The following ZNF681 variants were observed in gnomAD, a reference collection of about 807,000 sequenced individuals.
The protein encoded by ZNF681 is hypothetical protein FLJ31526.
Under a neutral mutation model 56.0 loss-of-function variants are expected in ZNF681, and 37 were observed. That is an observed-to-expected ratio of 0.66 (90% CI 0.51 to 0.87). ZNF681 has a LOEUF of 0.87. ZNF681 is among the 40% of genes least tolerant of loss of function. The pLI is 0.00. For synonymous variants in ZNF681, 225 were observed against 248.6 expected, an observed-to-expected ratio of 0.91 and a Z score of 0.89; for missense variants, 741 against 744.9, an observed-to-expected ratio of 0.99 and a Z score of 0.06.
rs548800522 is a variant in ZNF681, at chr19:23,748,214, T to C, written c.227-2891A>G. Among the ~76,000 whole-genome samples the C allele has an allele frequency of 3.9e-5, 6 of 152,064 alleles. 1 individual carries two copies. In the South Asian group the frequency reaches 1.2e-3, roughly 32 times the overall value. ...GCCTTGTAGAAAATAAGTAAAAATA[T>C]TTGCAAATTATATGTGATAAGAGTT... On this transcript the variant is annotated intron_variant, in intron 3 of 3. Transcript: ENST00000402377.
At position 23,744,875 on chromosome 19, in the gene ZNF681, C is replaced by T. The variant is rs376617845; in HGVS notation, c.675G>A (p.Ser225=). The stretch of plus-strand genomic sequence containing the variant: ...CTTTGCCACATTCTTCACATATGTA[C>T]GATTTCTCTCCAATATGAATTCTTT... ...KHKRIHIGEK[S]YICEECGKAC... is the part of the protein sequence containing the mutation. Residue 225 remains serine (S), a synonymous_variant, in exon 4 of 4, where the codon TCG becomes TCA. Coordinates refer to ENST00000402377, the MANE Select transcript of ZNF681 (RefSeq NM_138286.3). 4.0e-5 allele frequency: 64 copies of T among 1,611,126 alleles called. No individual in the cohort carries two copies. Among genetic ancestry groups the T allele is most frequent in the Non-Finnish European group, 4.7e-5 (56 of 1,179,326 alleles).
At chr19:23,758,714 C>T in intron 1 of ZNF681, 33 bp downstream of exon 1, 3 of 1,614,196 alleles carry the variant, frequency 1.9e-6, no homozygotes, top group Non-Finnish European at 2.5e-6. Flanking sequence ...AGCCCCTTCC[C>T]CTCTCTCGGG....
chr19:23,749,810 C>CAA (rs11396967), intron 3 of ZNF681, among the ~76,000 whole-genome samples: 13 of 151,760 alleles, frequency 8.6e-5, no homozygotes, highest in East Asian at 1.9e-4. Flanking sequence ...TAATTTTTCT[C>CAA]AAAAAAAATC....
rs1294652567 is a variant in ZNF681, at chr19:23,742,118, TTAACA to T, written c.*1489_*1493del. On this transcript the variant is annotated 3_prime_UTR_variant, in exon 4 of 4. Transcript: ENST00000402377. The stretch of plus-strand genomic sequence containing the variant: ...ATGCTTCATTGAATGCACGATGGTC[TTAACA>T]TGTTTTTTAAAAAGCCTGATTAATA... The T allele has an allele frequency of 6.6e-6, 1 of 152,178 alleles. No homozygotes were observed. The highest frequency in any genetic ancestry group is 2.4e-5 in the African/African-American group (1 of 41,442). 9.4% of individuals were successfully genotyped at this position (152,178 alleles called of 1,614,324 possible).
At position 23,744,154 on chromosome 19, in the gene ZNF681, T is replaced by C. The variant is rs758847874; in HGVS notation, c.1396A>G (p.Thr466Ala). 133 of 1,613,352 alleles carry C rather than the reference T, an allele frequency of 8.2e-5. No individual in the cohort carries two copies. The highest frequency in any genetic ancestry group is 9.8e-5 in the Non-Finnish European group (116 of 1,179,874). ...GKAFNQFSNL[T>A]THKRIHTGEK... Reference sequence around the variant, plus strand: ...CCAGTATGAATTCTTTTATGTGTAGTAAGGTTTGAGAACTGGTTAAAGGCT... The same window carrying C: ...CCAGTATGAATTCTTTTATGTGTAGCAAGGTTTGAGAACTGGTTAAAGGCT... Residue 466 changes from threonine (T) to alanine (A), a missense_variant, in exon 4 of 4, where the codon ACT (threonine) becomes GCT (alanine). Thr to Ala is a moderately conservative substitution (Grantham distance 58, BLOSUM62 0). Transcript: ENST00000402377.
At chr19:23,754,306 G>A (rs1969081332) in intron 3 of ZNF681, among the ~76,000 whole-genome samples, 1 of 152,150 alleles carries the variant, frequency 6.6e-6, no homozygotes, top group South Asian at 2.1e-4. Flanking sequence ...ATCACTGAAG[G>A]GAAAGCAGAG....
At position 23,754,851 on chromosome 19, in the gene ZNF681, C is replaced by G. The variant is rs577521352; in HGVS notation, c.198G>C (p.Lys66Asn). 1.2e-6 allele frequency: 2 copies of G among 1,614,090 alleles called. No homozygotes were observed. Among genetic ancestry groups the G allele is most frequent in the South Asian group, 2.2e-5 (2 of 91,084 alleles). ...GGGGTTCGGCCACCATCCTATGTCT[C>G]TTTCTAGTCCAAGGCTCTTTTTCTT... ...LEQEKEPWTR[K>N]RHRMVAEPPV... Residue 66 changes from lysine to asparagine, a missense_variant, in exon 3 of 4, where the codon AAG becomes AAC. Lys to Asn is a moderately conservative substitution (Grantham distance 94, BLOSUM62 0). Transcript: ENST00000402377.
At chr19:23,754,756 G>T in intron 3 of ZNF681, 67 bp downstream of exon 3, 1 of 1,282,698 alleles carries the variant, frequency 7.8e-7, no homozygotes, top group Non-Finnish European at 1.1e-6. Context: ...ATAAGCACTA[G>T]CTTTTTCTTT....
chr19:23,750,106 G>A (rs1156951914), intron 3 of ZNF681, among the ~76,000 whole-genome samples: 3 of 151,544 alleles, frequency 2.0e-5, no homozygotes, highest in Non-Finnish European at 4.4e-5. Context: ...TCAACATTGT[G>A]AAACCCCATC....
chr19:23,750,959 A>G (rs1969019536), intron 3 of ZNF681, among the ~76,000 whole-genome samples: 1 of 151,436 alleles, frequency 6.6e-6, no homozygotes, highest in Non-Finnish European at 1.5e-5. Context: ...CCCTATCTCT[A>G]CTAATAAAAG....
chr19:23,753,676 C>T (rs1270741135), intron 3 of ZNF681, among the ~76,000 whole-genome samples: 1 of 139,932 alleles, frequency 7.1e-6, no homozygotes, highest in African/African-American at 2.6e-5. Context: ...TCCTGGCCAA[C>T]ATGGTGAAAC....
chr19:23,758,190 T>G lies in ZNF681; in HGVS notation c.3+557A>C, dbSNP rs192861611. Among the ~76,000 whole-genome samples, 101 of 152,270 alleles carry G rather than the reference T, an allele frequency of 6.6e-4. 3 individuals are homozygous for G. In the East Asian group the frequency reaches 0.018, roughly 27 times the overall value. On this transcript the variant is annotated intron_variant, in intron 1 of 3. Transcript: ENST00000402377. ...TTTATCCAGTTGCTAGACTAAAAGC[T>G]CCTGGATTGTAGGGACCATGACTGC...
intron 3 of ZNF681, among the ~76,000 whole-genome samples, chr19:23,750,781 C>T (rs1254249913): frequency 7.0e-6 from 1 of 143,862 alleles, no homozygotes; most frequent in Non-Finnish European, 1.5e-5. Context: ...GCTGAAATCA[C>T]TCCACTGCAC....
At chr19:23,751,429 T>C (rs1317170055) in intron 3 of ZNF681, among the ~76,000 whole-genome samples, 1 of 150,010 alleles carries the variant, frequency 6.7e-6, no homozygotes, top group Admixed American at 6.7e-5. Context: ...TGAGCCGAGA[T>C]TGCGCCATTG....
chr19:23,745,468 C>A, intron 3 of ZNF681, 145 bp from the exon 4 acceptor site: 1 of 442,644 alleles, frequency 2.3e-6, no homozygotes, highest in Non-Finnish European at 3.4e-6. Flanking sequence ...TTTTTTTTTT[C>A]CTGAGACGGA....
At position 23,741,996 on chromosome 19, in the gene ZNF681, A is replaced by C. The variant is rs542459910; in HGVS notation, c.*1616T>G. ...AGCCACTGGCAAAACAGATTACTAG[A>C]AATGTTAGTCCATTATCTTATTAAA... On this transcript the variant is annotated 3_prime_UTR_variant, in exon 4 of 4. Coordinates refer to ENST00000402377, the MANE Select transcript of ZNF681 (RefSeq NM_138286.3). 2.0e-4 allele frequency: 30 copies of C among 152,286 alleles called. No individual in the cohort carries two copies. Among genetic ancestry groups the C allele is most frequent in the African/African-American group, 7.2e-4 (30 of 41,578 alleles). 9.4% of individuals were successfully genotyped at this position (152,286 alleles called of 1,614,324 possible).
rs747618321 is a variant in ZNF681, at chr19:23,744,166, A to G, written c.1384T>C (p.Phe462Leu). Residue 462 changes from phenylalanine to leucine, a missense_variant, in exon 4 of 4, where the codon TTC becomes CTC. By Grantham distance (22) the Phe-to-Leu change is conservative. Coordinates refer to ENST00000402377, the MANE Select transcript of ZNF681 (RefSeq NM_138286.3). ...CEECGKAFNQFSNLTTHKRIH... is the reference protein window; with the variant it reads ...CEECGKAFNQLSNLTTHKRIH... ...CTTTTATGTGTAGTAAGGTTTGAGAACTGGTTAAAGGCTTTCCCACATTCT... is the reference window on the plus strand; with the variant it reads ...CTTTTATGTGTAGTAAGGTTTGAGAGCTGGTTAAAGGCTTTCCCACATTCT... 41 of 1,613,118 alleles carry G rather than the reference A, an allele frequency of 2.5e-5. No individual in the cohort carries two copies. Among genetic ancestry groups the G allele is most frequent in the Non-Finnish European group, 3.3e-5 (39 of 1,179,850 alleles).
intron 1 of ZNF681, 42 bp from the exon 2 acceptor site, chr19:23,755,593 A>T: frequency 1.4e-6 from 1 of 735,364 alleles, no homozygotes; most frequent in Non-Finnish European, 2.0e-6. Context: ...ACACACACAC[A>T]CACACATACA....
rs1030207678 is a variant in ZNF681, at chr19:23,740,946, A to G, written c.*2666T>C. Reference sequence around the variant, plus strand: ...AGAAAATTATGGGTCTAGCCTAAGAATCAGGCAAGTAAAAACAAAAATTTG... The same window carrying G: ...AGAAAATTATGGGTCTAGCCTAAGAGTCAGGCAAGTAAAAACAAAAATTTG... On this transcript the variant is annotated 3_prime_UTR_variant, in exon 4 of 4. Transcript: ENST00000402377. 5.3e-5 allele frequency: 8 copies of G among 152,276 alleles called. No homozygotes were observed. Among genetic ancestry groups the G allele is most frequent in the Admixed American group, 1.3e-4 (2 of 15,290 alleles). The allele number at this position is 152,276 out of a possible 1,614,324, so 9.4% of individuals were successfully genotyped here.
Sources: allele counts gnomAD v4.1 joint callset (sites outside exome capture counted in the v4.1 genomes callset), GRCh38; gene constraint gnomAD v4.1.1; transcripts MANE v1.5; gene names NCBI Gene and HGNC (gene_info 2026-07-23, HGNC 2026-07-21).